DAB1: variants seen among roughly 807,000 people sequenced by gnomAD.
DAB1 encodes DAB adaptor protein 1.
DAB1 carries 15 observed loss-of-function variants against 64.6 expected under a neutral mutation model. The ratio of observed to expected loss-of-function variants is 0.23; its 90% CI spans 0.16 to 0.36. The LOEUF is 0.36. Among genes scored for constraint, DAB1 ranks in the 10% least tolerant of loss-of-function variants. The probability of loss-of-function intolerance (pLI) is 1.00; values close to 1 mark genes in which losing one functional copy is unlikely to be tolerated. For synonymous variants in DAB1, 235 were observed against 251.9 expected (o/e 0.93, Z 0.64); for missense variants, 596 against 706.7 (o/e 0.84, Z 1.78).
In DAB1 at chr1:58,195,667, G is replaced by A. The variant is rs531379533; in HGVS notation, n.310-45079C>T. 5.9e-5 allele frequency among the ~76,000 whole-genome samples: 9 copies of A among 152,218 alleles called. No homozygotes were observed. In the South Asian group the frequency reaches 1.9e-3, roughly 32 times the overall value. On this transcript the variant is annotated intron_variant and non_coding_transcript_variant, in intron 4 of 20. Coordinates refer to the DAB1 transcript ENST00000485760. ...TATTCTAAGTATATGATTCAGGACT[G>A]GAATATAGCAAATATGAGTCAGAAG... is the stretch of plus-strand genomic sequence containing the variant.
rs1672147117 is a variant in DAB1, at chr1:57,284,387, G to A, written c.67+6577C>T. Among the ~76,000 whole-genome samples the A allele has an allele frequency of 2.0e-5, 3 of 152,318 alleles. No individual in the cohort carries two copies. In the South Asian group the frequency reaches 6.2e-4, roughly 32 times the overall value. Reference sequence around the variant, plus strand: ...ACCAAGCATAGGCTGGGCTCATGCTGGAGCTGGATAAATGTTTGTGGACAA... The same window carrying A: ...ACCAAGCATAGGCTGGGCTCATGCTAGAGCTGGATAAATGTTTGTGGACAA... On this transcript the variant is annotated intron_variant, in intron 2 of 14. Transcript: ENST00000371236.
intron 6 of DAB1, among the ~76,000 whole-genome samples, chr1:57,724,525 C>T (rs561951824): frequency 2.0e-5 from 3 of 152,266 alleles, no homozygotes; most frequent in Admixed American, 6.5e-5. Context: ...ATGCTCCCTG[C>T]ATCAAACCAG....
chr1:57,349,556 G>A (rs1008036029), intron 1 of DAB1, among the ~76,000 whole-genome samples: 5 of 152,170 alleles, frequency 3.3e-5, no homozygotes, highest in Non-Finnish European at 7.4e-5. Context: ...ATTTTGAAAT[G>A]TTTGAAAATA....
Position 57,128,152 on chromosome 1 carries a change from A to AAAATAAAT in DAB1, c.306+8383_306+8390dup, listed in dbSNP as rs141430592. Among the ~76,000 whole-genome samples, 360 of 103,194 alleles carry AAAATAAAT rather than the reference A, an allele frequency of 3.5e-3. 1 individual carries two copies. Among genetic ancestry groups the AAAATAAAT allele is most frequent in the Admixed American group, 7.8e-3 (90 of 11,532 alleles). The allele number at this position is 103,194 out of a possible 152,430, so 67.7% of individuals were successfully genotyped here. A position where few individuals can be genotyped will look rare whatever the true frequency, so the allele number is the denominator to read the frequency against. ...ATAAGAGTGAGAGTCTCAAAAAATAAAAATAAATAAATAAATAAATAAATA... is the reference window on the plus strand; with the variant it reads ...ATAAGAGTGAGAGTCTCAAAAAATAAAAATAAATAAATAAATAAATAAATAAATAAATA... On this transcript the variant is annotated intron_variant, in intron 4 of 14. Coordinates refer to ENST00000371236, the MANE Select transcript of DAB1 (RefSeq NM_001365792.1).
chr1:57,107,936 C>T (rs535641132), intron 4 of DAB1, among the ~76,000 whole-genome samples: 1 of 152,258 alleles, frequency 6.6e-6, no homozygotes, highest in South Asian at 2.1e-4. Flanking sequence ...TGATGCCTAA[C>T]TCAACAGAGT....
At chr1:58,436,469 A>T (rs972584611) in intron 3 of DAB1, among the ~76,000 whole-genome samples, 1 of 152,176 alleles carries the variant, frequency 6.6e-6, no homozygotes, top group Non-Finnish European at 1.5e-5. Context: ...TCTGGTCACC[A>T]TATTCTTAGT....
At chr1:57,948,836 G>C (rs895839062) in intron 5 of DAB1, among the ~76,000 whole-genome samples, 1 of 152,206 alleles carries the variant, frequency 6.6e-6, no homozygotes, top group African/African-American at 2.4e-5. Flanking sequence ...CCAAGAAATA[G>C]AGCCTTGGGT....
intron 4 of DAB1, among the ~76,000 whole-genome samples, chr1:58,177,230 C>T (rs1345507429): frequency 1.3e-5 from 2 of 152,168 alleles, no homozygotes; most frequent in African/African-American, 4.8e-5. Flanking sequence ...TCTACCTGCA[C>T]CAGAGCTGCC....
At chr1:57,935,397 T>C (rs1645011128) in intron 5 of DAB1, among the ~76,000 whole-genome samples, 1 of 152,236 alleles carries the variant, frequency 6.6e-6, no homozygotes. Flanking sequence ...TCACAGTTCA[T>C]GATCTGGTGT....
chr1:57,286,751 A>G (rs1672348175), intron 2 of DAB1, among the ~76,000 whole-genome samples: 1 of 152,188 alleles, frequency 6.6e-6, no homozygotes. Flanking sequence ...CTAATACCAG[A>G]CACAAGGTTT....
In DAB1 at chr1:57,806,245, C is replaced by A. The variant is rs114423455; in HGVS notation, n.551+77754G>T. 5.1e-3 allele frequency among the ~76,000 whole-genome samples: 781 copies of A among 152,242 alleles called. 4 individuals are homozygous for A. The highest frequency in any genetic ancestry group is 0.016 in the African/African-American group (685 of 41,538). ...GGGCCTGTTATGAGTTGAACTGTGT[C>A]CCTCCAAAATTATAAATTGGAGCCC... On this transcript the variant is annotated intron_variant and non_coding_transcript_variant, in intron 6 of 20. Coordinates refer to the DAB1 transcript ENST00000485760.
At position 57,842,979 on chromosome 1, in the gene DAB1, T is replaced by C. The variant is rs12027540; in HGVS notation, n.88-16524A>G. 4.9e-3 allele frequency among the ~76,000 whole-genome samples: 745 copies of C among 152,328 alleles called. 45 individuals are homozygous for C. In the East Asian group the frequency reaches 0.12, roughly 26 times the overall value. Reference sequence around the variant, plus strand: ...GAATACAGTATATTATAGAGCACAGTATGGGTTGTCTGTCCTAGTGACTGC... The same window carrying C: ...GAATACAGTATATTATAGAGCACAGCATGGGTTGTCTGTCCTAGTGACTGC... On this transcript the variant is annotated intron_variant and non_coding_transcript_variant, in intron 1 of 1. Coordinates refer to the DAB1 transcript ENST00000477280.
At chr1:58,308,226 G>C in intron 4 of DAB1, among the ~76,000 whole-genome samples, 1 of 152,068 alleles carries the variant, frequency 6.6e-6, no homozygotes, top group East Asian at 1.9e-4. Flanking sequence ...GAGATTGCTG[G>C]GAAGGCCTGA....
chr1:58,115,828 G>A lies in DAB1; in HGVS notation n.387+34683C>T, dbSNP rs1451571651. Among the ~76,000 whole-genome samples the A allele has an allele frequency of 2.7e-5, 3 of 112,970 alleles. No homozygotes were observed. In the East Asian group the frequency reaches 7.9e-4, roughly 30 times the overall value. The allele number at this position is 112,970 out of a possible 152,430, so 74.1% of individuals were successfully genotyped here. On this transcript the variant is annotated intron_variant and non_coding_transcript_variant, in intron 5 of 20. Transcript: ENST00000485760. ...ACAGGAAGGGGAATATCACACTCTG[G>A]GGACTGTGGTGGGGTCGGGGGAGGG...
chr1:58,409,377 A>T (rs1324960171), intron 3 of DAB1, among the ~76,000 whole-genome samples: 1 of 152,134 alleles, frequency 6.6e-6, no homozygotes, highest in Non-Finnish European at 1.5e-5. Flanking sequence ...AGAATTGAGG[A>T]TCCTGGTTCT....
chr1:57,721,114 C>T (rs1647145104), intron 6 of DAB1, among the ~76,000 whole-genome samples: 1 of 152,204 alleles, frequency 6.6e-6, no homozygotes, highest in Non-Finnish European at 1.5e-5. Flanking sequence ...CAGCCACCCT[C>T]TCTTCCCAGT....
At chr1:58,190,250 T>C (rs1217060425) in intron 4 of DAB1, among the ~76,000 whole-genome samples, 1 of 152,202 alleles carries the variant, frequency 6.6e-6, no homozygotes, top group Admixed American at 6.5e-5. Context: ...ATCCTGCTGT[T>C]CTCACATTGG....
chr1:57,326,682 T>C (rs917486530), intron 1 of DAB1, among the ~76,000 whole-genome samples: 5 of 152,230 alleles, frequency 3.3e-5, no homozygotes, highest in Non-Finnish European at 5.9e-5. Context: ...GTCTTTTTCA[T>C]GGCTGTGGAC....
intron 4 of DAB1, among the ~76,000 whole-genome samples, chr1:58,338,709 A>C (rs1663180755): frequency 1.3e-5 from 2 of 152,206 alleles, no homozygotes; most frequent in Non-Finnish European, 2.9e-5. Flanking sequence ...TTGCACAGGA[A>C]TGTTCATGCA....
Sources: allele counts gnomAD v4.1 joint callset (sites outside exome capture counted in the v4.1 genomes callset), GRCh38; gene constraint gnomAD v4.1.1; transcripts MANE v1.5; gene names NCBI Gene and HGNC (gene_info 2026-07-23, HGNC 2026-07-21).